The following BTBD8 variants were observed in gnomAD, a reference collection of about 807,000 sequenced individuals.
BTBD8 encodes the protein BTB/POZ domain-containing protein 8.
A neutral mutation model predicts 162.9 loss-of-function variants in BTBD8; 110 were observed. The observed-to-expected ratio is 0.68, with a 90% confidence interval of 0.58 to 0.79. The LOEUF (loss-of-function observed/expected upper bound fraction) is 0.79. BTBD8 is among the 30% of genes least tolerant of loss of function. The probability of loss-of-function intolerance (pLI) is 0.00; values close to 1 mark genes in which losing one functional copy is unlikely to be tolerated. For missense variants in BTBD8, 1,905 were observed against 2,085.4 expected (o/e 0.91, Z 1.68); for synonymous variants, 667 against 716.1 (o/e 0.93, Z 1.10).
Position 92,183,938 on chromosome 1 carries a change from A to G in BTBD8, c.4987A>G (p.Ile1663Val), listed in dbSNP as rs1201355687. ...DHRPSKTLSP[I>V]YEMDVIEAFE... ...TCGGCCTTCAAAAACCCTGTCTCCA[A>G]TATATGAGATGGATGTAATAGAAGC... The change falls in exon 18 of 18, where the codon ATA (isoleucine) becomes GTA (valine). Residue 1663 changes from isoleucine to valine, a missense_variant. By Grantham distance (29) the Ile-to-Val change is conservative. Coordinates refer to ENST00000636805, the MANE Select transcript of BTBD8 (RefSeq NM_001376131.1). 5 of 1,551,654 alleles carry G rather than the reference A, an allele frequency of 3.2e-6. No homozygotes were observed. Among genetic ancestry groups the G allele is most frequent in the Admixed American group, 2.0e-5 (1 of 50,992 alleles).
At chr1:92,109,252 C>CTTTTTTTTTTTTTTT (rs77374096) in intron 4 of BTBD8, among the ~76,000 whole-genome samples, 1 of 123,984 alleles carries the variant, frequency 8.1e-6, no homozygotes, top group African/African-American at 2.9e-5. Context: ...GTCTTGTTTT[C>CTTTTTTTTTTTTTTT]TTTTTTTTTT....
chr1:92,181,061 C>T lies in BTBD8; in HGVS notation c.3378C>T (p.Asn1126=). The part of the protein sequence containing the change: ...GQIHLISDRE[N]QVGRKDTNKQ... The stretch of plus-strand genomic sequence containing the variant: ...TCCATTTGATATCAGATAGGGAGAA[C>T]CAAGTAGGGAGAAAAGATACAAACA... The change falls in exon 17 of 18, where the codon AAC becomes AAT. Residue 1126 remains asparagine, a synonymous_variant. Transcript: ENST00000636805. 6.4e-7 allele frequency: 1 copy of T among 1,551,482 alleles called. No individual in the cohort carries two copies. Among genetic ancestry groups the T allele is most frequent in the Middle Eastern group, 1.7e-4 (1 of 5,994 alleles).
chr1:92,107,358 A>G (rs1570721921), intron 3 of BTBD8, among the ~76,000 whole-genome samples: 3 of 152,308 alleles, frequency 2.0e-5, no homozygotes, highest in Middle Eastern at 3.4e-3. Context: ...TTGGTCAACA[A>G]TGGACCACAT....
At chr1:92,171,627 T>C (rs1336511032) in intron 13 of BTBD8, among the ~76,000 whole-genome samples, 167 bp downstream of exon 13, 1 of 152,248 alleles carries the variant, frequency 6.6e-6, no homozygotes, top group Non-Finnish European at 1.5e-5. Flanking sequence ...AATAAATGTT[T>C]TAAAGTGAAT....
chr1:92,094,992 T>G (rs1043328901), intron 2 of BTBD8, among the ~76,000 whole-genome samples: 1 of 152,202 alleles, frequency 6.6e-6, no homozygotes, highest in Non-Finnish European at 1.5e-5. Flanking sequence ...ATAAGTGTCT[T>G]CCTTGTTGTA....
rs545314460 is a variant in BTBD8 at position 92,108,397 on chromosome 1, G to A, written c.662+396G>A. The stretch of plus-strand genomic sequence containing the variant: ...GTTAAATGCAGTTTTTAATTTTATA[G>A]GCATTATAGTATTGAGAAGTATTAT... On this transcript the variant is annotated intron_variant, in intron 4 of 17. Coordinates refer to ENST00000636805, the MANE Select transcript of BTBD8 (RefSeq NM_001376131.1). Among the ~76,000 whole-genome samples the A allele has an allele frequency of 9.9e-5, 15 of 152,262 alleles. No homozygotes were observed. In the South Asian group the frequency reaches 2.9e-3, roughly 29 times the overall value.
At chr1:92,095,795 T>C (rs1164615573) in intron 2 of BTBD8, among the ~76,000 whole-genome samples, 1 of 152,184 alleles carries the variant, frequency 6.6e-6, no homozygotes, top group Non-Finnish European at 1.5e-5. Context: ...CTACCTCAAC[T>C]ACTCACTGCC....
At chr1:92,124,411 T>A (rs1323259055) in intron 4 of BTBD8, among the ~76,000 whole-genome samples, 1 of 152,232 alleles carries the variant, frequency 6.6e-6, no homozygotes, top group African/African-American at 2.4e-5. Context: ...AATATAATAT[T>A]GTTCCGTGTA....
chr1:92,153,874 G>A (rs187826001), intron 9 of BTBD8, among the ~76,000 whole-genome samples: 6 of 152,262 alleles, frequency 3.9e-5, no homozygotes, highest in Non-Finnish European at 8.8e-5. Context: ...GAATGCTGAT[G>A]TGCTTTGGAT....
intron 5 of BTBD8, among the ~76,000 whole-genome samples, chr1:92,134,792 G>A (rs1649591982): frequency 6.6e-6 from 1 of 151,990 alleles, no homozygotes; most frequent in Admixed American, 6.5e-5. Context: ...TGGAGTCTCT[G>A]TGTCCCCTTA....
chr1:92,168,969 C>G lies in BTBD8; in HGVS notation c.1547C>G (p.Thr516Arg). The G allele has an allele frequency of 1.3e-6, 2 of 1,536,140 alleles. No individual in the cohort carries two copies. The highest frequency in any genetic ancestry group is 1.2e-5 in the South Asian group (1 of 82,214). ...RHTESWKLMS[T>R]DDQQKIQAAA... is the part of the protein sequence containing the mutation. ...ACAGAAAGCTGGAAGCTGATGAGCA[C>G]AGATGATCAACAGAAAATCCAAGCA... Residue 516 changes from threonine (T) to arginine (R), a missense_variant, in exon 12 of 18, where the codon ACA (threonine) becomes AGA (arginine). By Grantham distance (71) the Thr-to-Arg change is moderately conservative. Coordinates refer to ENST00000636805, the MANE Select transcript of BTBD8 (RefSeq NM_001376131.1).
At chr1:92,175,877 A>G (rs1207439928) in intron 13 of BTBD8, among the ~76,000 whole-genome samples, 2 of 152,098 alleles carry the variant, frequency 1.3e-5, no homozygotes, top group Non-Finnish European at 2.9e-5. Flanking sequence ...CAACTTAAAA[A>G]TTTTCTTTGT....
intron 12 of BTBD8, among the ~76,000 whole-genome samples, chr1:92,169,743 A>G (rs747651019): frequency 3.3e-5 from 5 of 152,208 alleles, no homozygotes; most frequent in Non-Finnish European, 5.9e-5. Flanking sequence ...TTAGTACTGT[A>G]AACATGGAAG....
intron 2 of BTBD8, among the ~76,000 whole-genome samples, chr1:92,096,280 T>G (rs1648448645): frequency 6.6e-6 from 1 of 152,178 alleles, no homozygotes; most frequent in African/African-American, 2.4e-5. Context: ...AGATTTTAAT[T>G]TTCTTTTATC....
chr1:92,168,396 T>C lies in BTBD8; in HGVS notation c.1443+411T>C, dbSNP rs865884183. Among the ~76,000 whole-genome samples the C allele has an allele frequency of 9.9e-4, 89 of 90,282 alleles. 1 individual carries two copies. The highest frequency in any genetic ancestry group is 7.3e-3 in the Admixed American group (65 of 8,868). 59.2% of individuals were successfully genotyped at this position (90,282 alleles called of 152,430 possible). ...TTTATTTTTATAATCTTAATTTTTC[T>C]CTTCAAAAAATCATATTTTAAAATT... On this transcript the variant is annotated intron_variant, in intron 11 of 17. Transcript: ENST00000636805.
chr1:92,120,515 T>C (rs1054603420), intron 4 of BTBD8, among the ~76,000 whole-genome samples: 1 of 152,110 alleles, frequency 6.6e-6, no homozygotes, highest in African/African-American at 2.4e-5. Context: ...AATAAGCCAG[T>C]AACGTAGTTG....
chr1:92,181,171 A>G lies in BTBD8; in HGVS notation c.3488A>G (p.Asp1163Gly). The G allele has an allele frequency of 6.4e-7, 1 of 1,551,720 alleles. No homozygotes were observed. The highest frequency in any genetic ancestry group is 8.7e-7 in the Non-Finnish European group (1 of 1,146,988). ...GGTACCTTAAATTCTGCTCAAGAAG[A>G]CAAAAAATCGAAAGTTCCTGTGGAA... ...TNGTLNSAQE[D>G]KKSKVPVEGL... The change falls in exon 17 of 18, where the codon GAC becomes GGC. Residue 1163 changes from aspartate to glycine, a missense_variant. By Grantham distance (94) the Asp-to-Gly change is moderately conservative. This residue lies in a region of BTBD8 where 1,374 missense variants were observed against 1,442.7 expected (regional missense o/e 0.95). Transcript: ENST00000636805.
At chr1:92,170,475 C>T (rs1050343619) in intron 12 of BTBD8, among the ~76,000 whole-genome samples, 1 of 152,010 alleles carries the variant, frequency 6.6e-6, no homozygotes, top group Non-Finnish European at 1.5e-5. Context: ...TATTATTGTG[C>T]AGAGTCATTT....
At chr1:92,141,768 T>G (rs567580071) in intron 7 of BTBD8, among the ~76,000 whole-genome samples, 50 of 152,242 alleles carry the variant, frequency 3.3e-4, no homozygotes, top group Non-Finnish European at 6.5e-4. Context: ...AGATTACCCA[T>G]GGTTTTAATA....
Sources: gnomAD v4.1 joint callset for allele counts (sites outside exome capture counted in the v4.1 genomes callset) on GRCh38, gnomAD v4.1.1 for gene constraint, gnomAD v4.1.1 regional missense constraint, MANE v1.5 for transcripts, NCBI Gene and HGNC (gene_info 2026-07-23, HGNC 2026-07-21) for gene names.